SHBG: variants seen among roughly 807,000 people sequenced by gnomAD.
SHBG encodes the protein sex hormone binding globulin, also known as sex hormone-binding globulin.
Under a neutral mutation model 41.9 loss-of-function variants are expected in SHBG, and 37 were observed. That is an observed-to-expected ratio of 0.88 (90% CI 0.68 to 1.16). The LOEUF is 1.16. Among genes scored for constraint, SHBG ranks in the 50% most tolerant of loss-of-function variants. SHBG has a pLI of 0.00. For synonymous variants in SHBG, 217 were observed against 205.8 expected (o/e 1.05, Z -0.47); for missense variants, 466 against 499.9 (o/e 0.93, Z 0.65).
intron 1 of SHBG, among the ~76,000 whole-genome samples, chr17:7,617,884 G>A (rs1341328332): frequency 6.6e-6 from 1 of 152,138 alleles, no homozygotes; most frequent in African/African-American, 2.4e-5. Context: ...GGGCGTTCAG[G>A]AGCAGCCTGG....
chr17:7,630,739 A>T lies in SHBG; in HGVS notation c.263A>T (p.Asp88Val). The T allele has an allele frequency of 6.2e-7, 1 of 1,614,036 alleles. No individual in the cohort carries two copies. The highest frequency in any genetic ancestry group is 8.5e-7 in the Non-Finnish European group (1 of 1,180,000). The change falls in exon 3 of 8, where the codon GAT becomes GTT. Residue 88 changes from aspartate (D) to valine (V), a missense_variant. By Grantham distance (152) the Asp-to-Val change is radical. Transcript: ENST00000380450. This position sits in a 1 kb window ranked among gnomAD's most constrained non-coding sequence, Gnocchi z 4.6. ...WDPEGVIFYG[D>V]TNPKDDWFML... is the part of the protein sequence containing the mutation. ...CCAGAGGGAGTGATTTTTTATGGGG[A>T]TACCAACCCTAAGGATGACTGGTTT...
At position 7,630,310 on chromosome 17, in the gene SHBG, C is replaced by T. The variant is rs372479085; in HGVS notation, c.111+27C>T. 34 of 1,599,338 alleles carry T rather than the reference C, an allele frequency of 2.1e-5. No individual in the cohort carries two copies. The highest frequency in any genetic ancestry group is 2.7e-5 in the Non-Finnish European group (32 of 1,167,474). On this transcript the variant is annotated intron_variant, in intron 1 of 7. Transcript: ENST00000380450. This position sits in a 1 kb window ranked among gnomAD's most constrained non-coding sequence, Gnocchi z 4.6. ...TGCAGGAGCGGGACAGGGCACTCAG[C>T]TCATGCAGTCTTCCCTTCTCTCCTC...
upstream of SHBG, chr17:7,630,077 G>T: frequency 9.6e-7 from 1 of 1,036,842 alleles, no homozygotes. The surrounding 1 kb of genome is among the most constrained non-coding windows in gnomAD (Gnocchi z 4.6). Flanking sequence ...TCCTCCCCGG[G>T]CAACCTTTAA....
At chr17:7,624,820 T>A (rs537524978), upstream of SHBG, among the ~76,000 whole-genome samples, 2 of 151,186 alleles carry the variant, frequency 1.3e-5, no homozygotes, top group African/African-American at 4.9e-5. Context: ...TGCTGGCTTT[T>A]TTTGTATTGT....
chr17:7,626,272 A>G (rs2072203163), upstream of SHBG: 8 of 657,280 alleles, frequency 1.2e-5, no homozygotes, highest in South Asian at 1.6e-4. Context: ...CACCCTCAAC[A>G]AGGAAGAAAG....
intron 1 of SHBG, among the ~76,000 whole-genome samples, chr17:7,617,474 G>A (rs893400038): frequency 1.3e-4 from 19 of 151,968 alleles, no homozygotes; most frequent in Admixed American, 5.2e-4. Context: ...ATGGTGGCAC[G>A]CGCTTGTAGT....
chr17:7,614,876 C>G (rs2071936606), intron 1 of SHBG: 1 of 156,754 alleles, frequency 6.4e-6, no homozygotes, highest in East Asian at 1.9e-4. Flanking sequence ...CTCCACCTCC[C>G]CCTGCCACCG....
At chr17:7,627,939 C>CA, upstream of SHBG, 1 of 546,336 alleles carries the variant, frequency 1.8e-6, no homozygotes. This position sits in a 1 kb window ranked among gnomAD's most constrained non-coding sequence, Gnocchi z 4.8. Context: ...CCGCGTCCCC[C>CA]CCAAGCCCCA....
chr17:7,633,020 G>A, intron 7 of SHBG, 61 bp downstream of exon 7: 1 of 1,515,870 alleles, frequency 6.6e-7, no homozygotes, highest in Non-Finnish European at 9.1e-7. Context: ...AAGGGAGGCG[G>A]CACATTTTGA....
intron 1 of SHBG, among the ~76,000 whole-genome samples, chr17:7,615,042 T>C (rs531936312): frequency 6.6e-6 from 1 of 152,282 alleles, no homozygotes; most frequent in East Asian, 1.9e-4. Flanking sequence ...TCCTGGTCGC[T>C]TGCTAGCGCT....
At chr17:7,624,017 T>G (rs1024493971), upstream of SHBG, among the ~76,000 whole-genome samples, 1 of 152,198 alleles carries the variant, frequency 6.6e-6, no homozygotes, top group Non-Finnish European at 1.5e-5. Flanking sequence ...AGTAGTGCAA[T>G]CTCGGCTCAC....
At chr17:7,627,001 A>G, upstream of SHBG, 1 of 1,613,850 alleles carries the variant, frequency 6.2e-7, no homozygotes, top group African/African-American at 1.3e-5. This position sits in a 1 kb window ranked among gnomAD's most constrained non-coding sequence, Gnocchi z 4.8. Context: ...CCTTCCATGT[A>G]CTGTAGATGA....
upstream of SHBG, chr17:7,626,640 T>C (rs535646478): frequency 1.9e-5 from 30 of 1,611,350 alleles, no homozygotes; most frequent in African/African-American, 3.9e-4. Flanking sequence ...ACACTAACTT[T>C]TCTGGGGTCA....
intron 1 of SHBG, chr17:7,614,232 T>G: frequency 1.5e-6 from 1 of 683,946 alleles, no homozygotes; most frequent in Non-Finnish European, 2.7e-6. Flanking sequence ...CTCCCGGAGA[T>G]GGGGGTAGAA....
upstream of SHBG, chr17:7,627,338 C>T (rs2150962931): frequency 6.2e-7 from 1 of 1,614,186 alleles, no homozygotes; most frequent in Non-Finnish European, 8.5e-7. This position sits in a 1 kb window ranked among gnomAD's most constrained non-coding sequence, Gnocchi z 4.8. Context: ...CAGCCTCCGC[C>T]AGAACCTGGG....
At chr17:7,619,711 CAAAAAA>C (rs36022075) in intron 1 of SHBG, among the ~76,000 whole-genome samples, 1 of 78,010 alleles carries the variant, frequency 1.3e-5, no homozygotes, top group Non-Finnish European at 2.7e-5. Flanking sequence ...AACTTCGTCT[CAAAAAA>C]AAAAAAAAAA....
chr17:7,617,163 C>T (rs1275819626), intron 1 of SHBG, among the ~76,000 whole-genome samples: 2 of 151,034 alleles, frequency 1.3e-5, no homozygotes, highest in African/African-American at 4.9e-5. Flanking sequence ...TTTTTTTGCC[C>T]TTTGAGCTTA....
chr17:7,631,617 G>T lies in SHBG; in HGVS notation c.584G>T (p.Arg195Leu), dbSNP rs771711555. 12 of 1,613,948 alleles carry T rather than the reference G, an allele frequency of 7.4e-6. No homozygotes were observed. The South Asian group carries it at 1.2e-4, about 16-fold the overall frequency. Residue 195 changes from arginine (R) to leucine (L), a missense_variant, in exon 5 of 8, where the codon CGC becomes CTC. Physicochemically the swap from Arg to Leu is moderately radical, Grantham distance 102. Coordinates refer to ENST00000380450, the MANE Select transcript of SHBG (RefSeq NM_001040.5). The part of the protein sequence containing the change: ...PLVPALDGCL[R>L]RDSWLDKQAE... ...GTTCCTGCCCTGGATGGCTGCCTGCGCCGGGATTCCTGGCTGGACAAACAG... is the reference window on the plus strand; with the variant it reads ...GTTCCTGCCCTGGATGGCTGCCTGCTCCGGGATTCCTGGCTGGACAAACAG...
At chr17:7,631,524 G>T in intron 4 of SHBG, 65 bp from the exon 5 acceptor site, 1 of 1,594,514 alleles carries the variant, frequency 6.3e-7, no homozygotes, top group Middle Eastern at 2.0e-4. Context: ...GGGCAGGGAG[G>T]TCGGGACTGC....
Sources: gnomAD v4.1 joint callset for allele counts (sites outside exome capture counted in the v4.1 genomes callset) on GRCh38, gnomAD v4.1.1 for gene constraint, Gnocchi (gnomAD v3.1) non-coding constraint, MANE v1.5 for transcripts, NCBI Gene and HGNC (gene_info 2026-07-23, HGNC 2026-07-21) for gene names.